Variants in TEX14 observed in about 807,000 individuals in gnomAD.
TEX14 encodes the protein inactive serine/threonine-protein kinase TEX14.
Under a neutral mutation model 178.6 loss-of-function variants are expected in TEX14, and 168 were observed. That is an observed-to-expected ratio of 0.94 (90% CI 0.83 to 1.07). The LOEUF (loss-of-function observed/expected upper bound fraction) is 1.07. TEX14 is among the 50% of genes least tolerant of loss of function. The pLI is 0.00. For missense variants in TEX14, 1,730 were observed against 1,753.6 expected, an observed-to-expected ratio of 0.99 and a Z score of 0.24; for synonymous variants, 626 against 634.1, an observed-to-expected ratio of 0.99 and a Z score of 0.19.
At chr17:58,632,645 A>T (rs960890690) in intron 2 of TEX14, among the ~76,000 whole-genome samples, 2 of 152,316 alleles carry the variant, frequency 1.3e-5, no homozygotes, top group South Asian at 2.1e-4. Flanking sequence ...AAGTACTGGC[A>T]GCCGGCCTGC....
At chr17:58,583,144 T>G (rs886131286) in intron 19 of TEX14, among the ~76,000 whole-genome samples, 3 of 151,480 alleles carry the variant, frequency 2.0e-5, no homozygotes, top group Admixed American at 6.6e-5. Context: ...CTAATTTTTA[T>G]TTTTTTTAGA....
intron 11 of TEX14, among the ~76,000 whole-genome samples, chr17:58,604,583 C>A (rs2045559981): frequency 6.7e-6 from 1 of 149,920 alleles, no homozygotes; most frequent in Non-Finnish European, 1.5e-5. Context: ...TCTTTTGAGA[C>A]AGAGTCTCAC....
chr17:58,613,395 G>GA, intron 9 of TEX14, 26 bp downstream of exon 9: 1 of 1,613,458 alleles, frequency 6.2e-7, no homozygotes, highest in Non-Finnish European at 8.5e-7. Context: ...GTCAGCAATG[G>GA]AAAATCCACG....
chr17:58,571,959 TAAG>T lies in TEX14; in HGVS notation c.3676_3678del (p.Leu1226del). 1 of 1,614,130 alleles carries T rather than the reference TAAG, an allele frequency of 6.2e-7. No individual in the cohort carries two copies. Among genetic ancestry groups the T allele is most frequent in the Middle Eastern group, 1.7e-4 (1 of 6,050 alleles). On this transcript the variant is annotated inframe_deletion, in exon 24 of 32. Coordinates refer to ENST00000349033, the MANE Select transcript of TEX14 (RefSeq NM_031272.5). ...CTTGAAGGGGGAGTTTCAGAGGAAG[TAAG>T]GAGAGAATCCAGTTTCTTTGCTCTC...
chr17:58,672,465 G>T (rs1051060859), intron 1 of TEX14, among the ~76,000 whole-genome samples: 1 of 152,102 alleles, frequency 6.6e-6, no homozygotes, highest in Admixed American at 6.6e-5. Context: ...ACAGAGTCTC[G>T]CTCTATCACC....
At chr17:58,640,646 A>T (rs575403436) in intron 2 of TEX14, among the ~76,000 whole-genome samples, 1,484 of 70,342 alleles carry the variant, frequency 0.021, 35 homozygotes, top group East Asian at 0.13. Context: ...TGTGTGTGTG[A>T]GAGAGAGAGA....
intron 15 of TEX14, among the ~76,000 whole-genome samples, chr17:58,590,964 G>A (rs959244980): frequency 4.6e-5 from 7 of 151,484 alleles, no homozygotes; most frequent in African/African-American, 7.3e-5. Context: ...TACACATATC[G>A]TAATTGTCAC....
At position 58,679,360 on chromosome 17, in the gene TEX14, G is replaced by C. The variant is rs551145922; in HGVS notation, c.-2+12579C>G. Among the ~76,000 whole-genome samples the C allele has an allele frequency of 1.0e-3, 159 of 152,238 alleles. 1 individual carries two copies. Among genetic ancestry groups the C allele is most frequent in the African/African-American group, 3.6e-3 (150 of 41,528 alleles). On this transcript the variant is annotated intron_variant, in intron 1 of 31. Transcript: ENST00000349033. Reference sequence around the variant, plus strand: ...ATGGCAAATCACTGTAGTACTCAATGACAACACCAACCACGAGGGGTGTGA... The same window carrying C: ...ATGGCAAATCACTGTAGTACTCAATCACAACACCAACCACGAGGGGTGTGA...
chr17:58,646,839 A>C (rs934133074), intron 2 of TEX14, among the ~76,000 whole-genome samples: 1 of 152,056 alleles, frequency 6.6e-6, no homozygotes, highest in Non-Finnish European at 1.5e-5. Flanking sequence ...AATCTGTAAC[A>C]ATCGGTTTTC....
chr17:58,643,954 C>T (rs570714000), intron 2 of TEX14, among the ~76,000 whole-genome samples: 6 of 150,354 alleles, frequency 4.0e-5, no homozygotes, highest in East Asian at 3.9e-4. Flanking sequence ...CCGCCCCCCC[C>T]AAATACCTCA....
intron 1 of TEX14, among the ~76,000 whole-genome samples, chr17:58,673,398 G>A (rs1432285445): frequency 5.9e-5 from 9 of 151,492 alleles, no homozygotes; most frequent in Non-Finnish European, 1.2e-4. Flanking sequence ...CAGGAAAATC[G>A]GTTGAACCCA....
chr17:58,586,361 T>C (rs1181778386), intron 17 of TEX14, among the ~76,000 whole-genome samples: 4 of 152,156 alleles, frequency 2.6e-5, no homozygotes, highest in Non-Finnish European at 5.9e-5. Context: ...AGATAGACCC[T>C]CTTCCTGTGA....
Position 58,676,560 on chromosome 17 carries a change from C to CAAACA in TEX14, c.-2+15374_-2+15378dup, listed in dbSNP as rs1276915234. Among the ~76,000 whole-genome samples, 25 of 152,184 alleles carry CAAACA rather than the reference C, an allele frequency of 1.6e-4. No individual in the cohort carries two copies. The East Asian group carries it at 4.6e-3, about 28-fold the overall frequency. ...GAGCAATAAGAGTGAAACTCCATCT[C>CAAACA]AAACAAAAGAAAACAAAACAAAACA... On this transcript the variant is annotated intron_variant, in intron 1 of 31. Coordinates refer to ENST00000349033, the MANE Select transcript of TEX14 (RefSeq NM_031272.5).
chr17:58,579,250 G>A (rs895256344), intron 20 of TEX14, among the ~76,000 whole-genome samples: 1 of 152,226 alleles, frequency 6.6e-6, no homozygotes, highest in African/African-American at 2.4e-5. Context: ...CTTCTGGGGA[G>A]AAGAAATACA....
chr17:58,580,951 C>T (rs747020017), intron 19 of TEX14, among the ~76,000 whole-genome samples: 3 of 152,186 alleles, frequency 2.0e-5, no homozygotes, highest in Non-Finnish European at 4.4e-5. Flanking sequence ...GAACACCAGT[C>T]TTCCTCAGAG....
At chr17:58,683,865 G>A (rs2047544782) in intron 1 of TEX14, among the ~76,000 whole-genome samples, 1 of 151,628 alleles carries the variant, frequency 6.6e-6, no homozygotes, top group Non-Finnish European at 1.5e-5. Context: ...AAGATATCAA[G>A]ACTATCCTGG....
At chr17:58,674,592 C>T (rs888398981) in intron 1 of TEX14, among the ~76,000 whole-genome samples, 8 of 151,790 alleles carry the variant, frequency 5.3e-5, no homozygotes, top group African/African-American at 1.9e-4. Flanking sequence ...ATCGCTTGAA[C>T]CTGGGAGGCG....
chr17:58,588,849 G>A lies in TEX14; in HGVS notation c.2577-828C>T, dbSNP rs76158654. On this transcript the variant is annotated intron_variant, in intron 15 of 31. Transcript: ENST00000349033. ...GGAGGCTAAGGCAGGAGGATTACTT[G>A]AGCTCAGGAGGTCAAGGCCAGCTTG... 3.9e-3 allele frequency among the ~76,000 whole-genome samples: 591 copies of A among 152,276 alleles called. 7 individuals carry two copies. Among genetic ancestry groups the A allele is most frequent in the African/African-American group, 0.013 (554 of 41,558 alleles).
chr17:58,599,912 T>C (rs1255398304), intron 13 of TEX14, among the ~76,000 whole-genome samples: 1 of 152,224 alleles, frequency 6.6e-6, no homozygotes, highest in Non-Finnish European at 1.5e-5. Flanking sequence ...GGCAGGGGTC[T>C]AGCCATGGAG....
Sources: allele counts gnomAD v4.1 joint callset (sites outside exome capture counted in the v4.1 genomes callset), GRCh38; gene constraint gnomAD v4.1.1; transcripts MANE v1.5; gene names NCBI Gene and HGNC (gene_info 2026-07-23, HGNC 2026-07-21).